The following BBX variants were observed in gnomAD, a reference collection of about 807,000 sequenced individuals.
The protein encoded by BBX is BBX high mobility group box domain containing.
In BBX, 30 loss-of-function variants were observed where a neutral mutation model predicts 100.2. The observed-to-expected ratio is 0.30, with a 90% CI of 0.22 to 0.41. The LOEUF is 0.41. BBX is among the 10% of genes least tolerant of loss of function. The pLI is 1.00. For missense variants in BBX, 1,023 were observed against 1,129.8 expected, an observed-to-expected ratio of 0.91 and a Z score of 1.35; for synonymous variants, 376 against 388.1, an observed-to-expected ratio of 0.97 and a Z score of 0.37.
chr3:107,752,953 G>A (rs572302174), intron 9 of BBX, among the ~76,000 whole-genome samples: 52 of 152,176 alleles, frequency 3.4e-4, no homozygotes, highest in Non-Finnish European at 6.3e-4. Flanking sequence ...ATGGGCAGGA[G>A]TGAACAGTAA....
At position 107,707,080 on chromosome 3, in the gene BBX, A is replaced by G. The variant is rs560744724; in HGVS notation, c.-9-3372A>G. On this transcript the variant is annotated intron_variant, in intron 3 of 17. Coordinates refer to ENST00000325805, the MANE Select transcript of BBX (RefSeq NM_001142568.3). ...GAGGTATTTCATAGTTATTAGATCA[A>G]TTACAGTACATTTTTCTTGATTTTT... 3.3e-5 allele frequency among the ~76,000 whole-genome samples: 5 copies of G among 152,322 alleles called. No homozygotes were observed. The South Asian group carries it at 6.2e-4, about 19-fold the overall frequency.
chr3:107,527,724 T>C (rs1247326468), intron 2 of BBX, among the ~76,000 whole-genome samples: 1 of 152,198 alleles, frequency 6.6e-6, no homozygotes, highest in Non-Finnish European at 1.5e-5. Flanking sequence ...ATACATCACA[T>C]ACATAGCAGG....
intron 13 of BBX, among the ~76,000 whole-genome samples, chr3:107,782,080 G>T (rs1206548315): frequency 6.6e-6 from 1 of 152,092 alleles, no homozygotes; most frequent in Non-Finnish European, 1.5e-5. Flanking sequence ...AGTCTCCGCT[G>T]CCACCAGATT....
In BBX at chr3:107,755,629, C is replaced by G. The variant is rs1395265326; in HGVS notation, c.857C>G (p.Ala286Gly). ...ISSNTSQLGG[A>G]EPVKRCGKSA... Reference sequence around the variant, plus strand: ...TCAAACACTTCGCAGTTGGGTGGTGCTGAGCCTGTAAAACGCTGTGGAAAG... The same window carrying G: ...TCAAACACTTCGCAGTTGGGTGGTGGTGAGCCTGTAAAACGCTGTGGAAAG... Residue 286 changes from alanine (A) to glycine (G), a missense_variant, in exon 10 of 18, where the codon GCT (alanine) becomes GGT (glycine). Ala to Gly is a moderately conservative substitution (Grantham distance 60, BLOSUM62 0). Around this residue, in one of 9 missense-constraint regions of BBX, gnomAD observed 95 missense variants for 95.1 expected, o/e 1.00. Coordinates refer to ENST00000325805, the MANE Select transcript of BBX (RefSeq NM_001142568.3). The G allele has an allele frequency of 1.2e-6, 2 of 1,613,788 alleles. No individual in the cohort carries two copies. Among genetic ancestry groups the G allele is most frequent in the Non-Finnish European group, 1.7e-6 (2 of 1,179,868 alleles).
At chr3:107,615,992 C>T (rs372146685) in intron 2 of BBX, among the ~76,000 whole-genome samples, 6 of 126,366 alleles carry the variant, frequency 4.7e-5, no homozygotes, top group Middle Eastern at 5.2e-3. Context: ...GAGAAGCACA[C>T]GCTACTCACC....
intron 2 of BBX, among the ~76,000 whole-genome samples, chr3:107,645,473 T>C (rs1392900094): frequency 6.6e-6 from 1 of 152,132 alleles, no homozygotes; most frequent in Non-Finnish European, 1.5e-5. Context: ...AACTTGAATT[T>C]AGTTAGGGTG....
At chr3:107,571,415 G>A (rs764606949) in intron 2 of BBX, among the ~76,000 whole-genome samples, 2 of 152,254 alleles carry the variant, frequency 1.3e-5, no homozygotes, top group East Asian at 1.9e-4. Context: ...GACTGGCGCC[G>A]GAGTTTTGGG....
chr3:107,623,413 G>A (rs981661152), intron 2 of BBX, among the ~76,000 whole-genome samples: 2 of 152,120 alleles, frequency 1.3e-5, no homozygotes, highest in African/African-American at 4.8e-5. Flanking sequence ...AGAGAAAATG[G>A]TACTTCAAAT....
chr3:107,700,802 G>C (rs942508731), intron 3 of BBX, among the ~76,000 whole-genome samples: 5 of 151,708 alleles, frequency 3.3e-5, no homozygotes, highest in African/African-American at 1.2e-4. Context: ...AGTATTCTAT[G>C]GTGTATATGT....
At position 107,773,714 on chromosome 3, in the gene BBX, C is replaced by A; in HGVS notation, c.1915+78C>A. 1.6e-6 allele frequency: 2 copies of A among 1,261,108 alleles called. No individual in the cohort carries two copies. The highest frequency in any genetic ancestry group is 1.1e-6 in the Non-Finnish European group (1 of 919,344). 78.1% of individuals were successfully genotyped at this position (1,261,108 alleles called of 1,614,324 possible). A position where few individuals can be genotyped will look rare whatever the true frequency, so the allele number is the denominator to read the frequency against. On this transcript the variant is annotated intron_variant, in intron 11 of 17. Transcript: ENST00000325805. This position sits in a 1 kb window ranked among gnomAD's most constrained non-coding sequence, Gnocchi z 4.1. ...CCTTTAGACCTATTGAAAACAACTG[C>A]CATAAAAAACAATATGGTATCAAAA...
intron 10 of BBX, among the ~76,000 whole-genome samples, chr3:107,767,983 C>T (rs2066531315): frequency 6.6e-6 from 1 of 152,194 alleles, no homozygotes; most frequent in South Asian, 2.1e-4. Context: ...CCAGTGCTCT[C>T]CAGATAAGTG....
At chr3:107,772,072 T>C (rs2066947709) in intron 10 of BBX, among the ~76,000 whole-genome samples, 1 of 142,060 alleles carries the variant, frequency 7.0e-6, no homozygotes, top group Non-Finnish European at 1.5e-5. Flanking sequence ...CCAGTAAGTA[T>C]ATAACGCAAA....
intron 2 of BBX, among the ~76,000 whole-genome samples, chr3:107,584,054 TTA>T (rs1228897469): frequency 1.9e-4 from 6 of 32,246 alleles, no homozygotes; most frequent in African/African-American, 3.2e-4. Flanking sequence ...ATTATATATA[TTA>T]TATATATCAT....
rs529014721 is a variant in BBX, at chr3:107,791,354, G to A, written c.2353+55G>A. ...ACAATCGGAGCTGGAAATGACATAA[G>A]TTGTATAGGTTTTTAAAAGGTATAA... is the stretch of plus-strand genomic sequence containing the variant. On this transcript the variant is annotated intron_variant, in intron 15 of 17. Transcript: ENST00000325805. 4.4e-4 allele frequency: 640 copies of A among 1,456,594 alleles called. No homozygotes were observed. In the African/African-American group the frequency reaches 8.0e-3, roughly 18 times the overall value. The allele number at this position is 1,456,594 out of a possible 1,614,324, so 90.2% of individuals were successfully genotyped here. A position where few individuals can be genotyped will look rare whatever the true frequency, so the allele number is the denominator to read the frequency against.
intron 2 of BBX, among the ~76,000 whole-genome samples, chr3:107,572,551 C>T (rs973468872): frequency 2.0e-5 from 3 of 151,970 alleles, no homozygotes; most frequent in African/African-American, 4.8e-5. Context: ...ACATTCTGAT[C>T]GTTAGTATGT....
intron 4 of BBX, chr3:107,711,335 C>A (rs770138907): frequency 2.1e-6 from 1 of 471,008 alleles, no homozygotes; most frequent in South Asian, 1.5e-5. Flanking sequence ...TTCCTCTTGC[C>A]TCAGAAATGA....
In BBX at chr3:107,798,607, C is replaced by T. The variant is rs1235427222; in HGVS notation, c.2438C>T (p.Thr813Ile). 2.5e-6 allele frequency: 4 copies of T among 1,614,058 alleles called. No homozygotes were observed. The highest frequency in any genetic ancestry group is 1.6e-4 in the Middle Eastern group (1 of 6,062). ...TCCATTTTCAACACTCCAGAGCCAA[C>T]AACAACGCAAGAACCTTTGGTGGGC... is the stretch of plus-strand genomic sequence containing the variant. ...IPSIFNTPEP[T>I]TTQEPLVGSQ... The change falls in exon 16 of 18, where the codon ACA becomes ATA. Residue 813 changes from threonine to isoleucine, a missense_variant. Around this residue, in one of 9 missense-constraint regions of BBX, gnomAD observed 215 missense variants for 211.3 expected, o/e 1.02. Transcript: ENST00000325805.
At chr3:107,553,636 T>TC in intron 2 of BBX, among the ~76,000 whole-genome samples, 1 of 152,208 alleles carries the variant, frequency 6.6e-6, no homozygotes, top group South Asian at 2.1e-4. Flanking sequence ...GGCAGGAGAA[T>TC]CCAAGTCAAC....
chr3:107,642,354 T>C (rs1028342539), intron 2 of BBX, among the ~76,000 whole-genome samples: 3 of 152,182 alleles, frequency 2.0e-5, no homozygotes, highest in Non-Finnish European at 4.4e-5. Flanking sequence ...AAGAAGAAGA[T>C]AAGAATTGTA....
Sources: allele counts gnomAD v4.1 joint callset (sites outside exome capture counted in the v4.1 genomes callset), GRCh38; gene constraint gnomAD v4.1.1; regional missense constraint gnomAD v4.1.1; non-coding constraint Gnocchi (gnomAD v3.1); transcripts MANE v1.5; gene names NCBI Gene and HGNC (gene_info 2026-07-23, HGNC 2026-07-21).